Variants in CDC42BPB observed in about 807,000 individuals in gnomAD.
The protein encoded by CDC42BPB is CDC42 binding protein kinase beta, also known as serine/threonine-protein kinase MRCK beta.
A neutral mutation model predicts 214.9 loss-of-function variants in CDC42BPB; 37 were observed. The observed-to-expected ratio is 0.17, with a 90% confidence interval of 0.13 to 0.23. The LOEUF (loss-of-function observed/expected upper bound fraction) is 0.23. Ranked by LOEUF, CDC42BPB falls within the 10% of genes least tolerant of loss-of-function variation. The probability of loss-of-function intolerance (pLI) is 1.00; values close to 1 mark genes in which losing one functional copy is unlikely to be tolerated. For synonymous variants in CDC42BPB, 931 were observed against 884.0 expected, an observed-to-expected ratio of 1.05 and a Z score of -0.94; for missense variants, 1,694 against 2,227.0, an observed-to-expected ratio of 0.76 and a Z score of 4.82.
intron 6 of CDC42BPB, 46 bp from the exon 7 acceptor site, chr14:102,983,802 A>G (rs747738502): frequency 6.3e-7 from 1 of 1,580,232 alleles, no homozygotes; most frequent in Non-Finnish European, 8.6e-7. Context: ...GGCATCTCCA[A>G]TCACATATTT....
rs1566889571 is a variant in CDC42BPB at position 102,995,364 on chromosome 14, C to CG, written c.596+4200_596+4201insC. ...TAATTTTTTGTATTTTTAGTAGAGACAGGTTTTACCATGTTGGCCAGGCAG... is the reference window on the plus strand; with the variant it reads ...TAATTTTTTGTATTTTTAGTAGAGACGAGGTTTTACCATGTTGGCCAGGCAG... On this transcript the variant is annotated intron_variant, in intron 5 of 36. Coordinates refer to ENST00000361246, the MANE Select transcript of CDC42BPB (RefSeq NM_006035.4). Among the ~76,000 whole-genome samples, 23 of 152,286 alleles carry CG rather than the reference C, an allele frequency of 1.5e-4. 1 individual carries two copies. Among genetic ancestry groups the CG allele is most frequent in the African/African-American group, 5.1e-4 (21 of 41,552 alleles).
At chr14:102,984,945 G>A (rs574923892) in intron 6 of CDC42BPB, among the ~76,000 whole-genome samples, 4 of 152,392 alleles carry the variant, frequency 2.6e-5, no homozygotes, top group Middle Eastern at 3.4e-3. Flanking sequence ...CCACTGGGGT[G>A]TTGGGCGGTG....
rs757921555 is a variant in CDC42BPB, at chr14:102,975,941, G to A, written c.1329C>T (p.Tyr443=). 12 of 1,614,022 alleles carry A rather than the reference G, an allele frequency of 7.4e-6. No homozygotes were observed. The East Asian group carries it at 1.1e-4, about 15-fold the overall frequency. Residue 443 remains tyrosine, a synonymous_variant, in exon 10 of 37, where the codon TAC becomes TAT. Coordinates refer to ENST00000361246, the MANE Select transcript of CDC42BPB (RefSeq NM_006035.4). ...DLEHSLQMEA[Y]ERRIRRLEQE... is the part of the protein sequence containing the mutation. ...GTTCCAGCCTCCGAATCCTCCTCTCGTAAGCTTCCATCTGCAGGCTGTGCT... is the reference window on the plus strand; with the variant it reads ...GTTCCAGCCTCCGAATCCTCCTCTCATAAGCTTCCATCTGCAGGCTGTGCT...
intron 7 of CDC42BPB, among the ~76,000 whole-genome samples, chr14:102,983,005 C>T (rs750201863): frequency 3.3e-5 from 5 of 152,000 alleles, no homozygotes; most frequent in Non-Finnish European, 7.4e-5. Flanking sequence ...AGAAAGTGAA[C>T]AGTTCGGAAA....
At chr14:103,023,745 TAA>T (rs1206644070) in intron 1 of CDC42BPB, among the ~76,000 whole-genome samples, 5 of 152,174 alleles carry the variant, frequency 3.3e-5, no homozygotes, top group African/African-American at 1.2e-4. Context: ...ACACTTTTAT[TAA>T]GTCAACTACT....
At chr14:103,051,162 C>CGGGGGGGGGG (rs1888586443) in intron 1 of CDC42BPB, among the ~76,000 whole-genome samples, 1 of 46,328 alleles carries the variant, frequency 2.2e-5, no homozygotes, top group African/African-American at 9.3e-5. Context: ...GGCGGGGGGG[C>CGGGGGGGGGG]GGGAGATTAC....
chr14:103,044,050 T>G (rs943940824), intron 1 of CDC42BPB, among the ~76,000 whole-genome samples: 6 of 152,212 alleles, frequency 3.9e-5, no homozygotes, highest in Non-Finnish European at 7.3e-5. Flanking sequence ...ATAGAGCATT[T>G]CCAGTAACTT....
intron 1 of CDC42BPB, among the ~76,000 whole-genome samples, chr14:103,039,710 G>A (rs993152860): frequency 2.0e-5 from 3 of 152,138 alleles, no homozygotes; most frequent in African/African-American, 4.8e-5. Flanking sequence ...TCAGAAGAAA[G>A]ACAAGAATGT....
chr14:103,005,760 G>A (rs929543835), intron 3 of CDC42BPB, among the ~76,000 whole-genome samples: 1 of 152,088 alleles, frequency 6.6e-6, no homozygotes, highest in Non-Finnish European at 1.5e-5. Flanking sequence ...GGTGGCTCAC[G>A]CGTGTAATCC....
At position 103,004,120 on chromosome 14, in the gene CDC42BPB, G is replaced by A; in HGVS notation, c.352-97C>T. ...GGTCCCTCCTGGGACAGTGGCTCCA[G>A]CCACGGTGTCCCTGCCTTCCGGGCT... On this transcript the variant is annotated intron_variant, in intron 3 of 36. Coordinates refer to ENST00000361246, the MANE Select transcript of CDC42BPB (RefSeq NM_006035.4). This position sits in a 1 kb window ranked among gnomAD's most constrained non-coding sequence, Gnocchi z 5.3. 1 of 1,426,808 alleles carries A rather than the reference G, an allele frequency of 7.0e-7. No homozygotes were observed. The highest frequency in any genetic ancestry group is 1.5e-5 in the South Asian group (1 of 68,642). The allele number at this position is 1,426,808 out of a possible 1,614,324, so 88.4% of individuals were successfully genotyped here. A position where few individuals can be genotyped will look rare whatever the true frequency, so the allele number is the denominator to read the frequency against.
chr14:102,949,564 G>C (rs1377842272), intron 26 of CDC42BPB, among the ~76,000 whole-genome samples: 1 of 152,252 alleles, frequency 6.6e-6, no homozygotes. Flanking sequence ...TCCTGCGCAC[G>C]CAGGCCCGTA....
chr14:102,939,331 T>C (rs1244169220), intron 34 of CDC42BPB, among the ~76,000 whole-genome samples: 2 of 152,212 alleles, frequency 1.3e-5, no homozygotes, highest in African/African-American at 2.4e-5. Context: ...CAAACGTCCT[T>C]AGGAAGCCCT....
intron 21 of CDC42BPB, among the ~76,000 whole-genome samples, chr14:102,957,714 T>C (rs1330307207): frequency 1.3e-5 from 2 of 152,208 alleles, no homozygotes; most frequent in South Asian, 2.1e-4. Flanking sequence ...TGCTTGGGTG[T>C]TGTAATGACA....
At chr14:102,967,302 T>C in intron 16 of CDC42BPB, 132 bp from the exon 17 acceptor site, 5 of 1,417,832 alleles carry the variant, frequency 3.5e-6, no homozygotes, top group Non-Finnish European at 4.6e-6. Flanking sequence ...CCAAACTAAG[T>C]TCATGATATG....
chr14:103,044,253 A>G (rs989466107), intron 1 of CDC42BPB, among the ~76,000 whole-genome samples: 4 of 152,012 alleles, frequency 2.6e-5, no homozygotes, highest in African/African-American at 9.6e-5. Context: ...TTGGAGACAG[A>G]GTCTCACTCT....
intron 5 of CDC42BPB, among the ~76,000 whole-genome samples, chr14:102,991,486 T>C (rs971055220): frequency 3.9e-5 from 6 of 152,242 alleles, no homozygotes; most frequent in Non-Finnish European, 5.9e-5. Flanking sequence ...GATTCTGTAC[T>C]GGAGGGAAGA....
At chr14:103,028,733 C>T (rs1356028824) in intron 1 of CDC42BPB, among the ~76,000 whole-genome samples, 1 of 152,246 alleles carries the variant, frequency 6.6e-6, no homozygotes, top group Non-Finnish European at 1.5e-5. Flanking sequence ...ACTTGGACAT[C>T]CAGAACATAC....
intron 5 of CDC42BPB, among the ~76,000 whole-genome samples, chr14:102,996,892 GAA>G (rs1894763880): frequency 6.6e-6 from 1 of 151,030 alleles, no homozygotes; most frequent in South Asian, 2.1e-4. Flanking sequence ...TAAAAAGAAA[GAA>G]AGAGAAAGCA....
intron 36 of CDC42BPB, among the ~76,000 whole-genome samples, chr14:102,934,783 GGGCA>G: frequency 1.3e-5 from 2 of 151,986 alleles, no homozygotes; most frequent in Non-Finnish European, 2.9e-5. Flanking sequence ...AGGCCAAGGT[GGGCA>G]GATCATGAGG....
Sources: gnomAD v4.1 joint callset for allele counts (sites outside exome capture counted in the v4.1 genomes callset) on GRCh38, gnomAD v4.1.1 for gene constraint, Gnocchi (gnomAD v3.1) non-coding constraint, MANE v1.5 for transcripts, NCBI Gene and HGNC (gene_info 2026-07-23, HGNC 2026-07-21) for gene names.